Variants in BMPR1B observed in about 807,000 individuals in gnomAD.
BMPR1B encodes the protein bone morphogenetic protein receptor type-1B.
BMPR1B carries 12 observed loss-of-function variants against 59.1 expected under a neutral mutation model. The ratio of observed to expected loss-of-function variants is 0.20; its 90% CI spans 0.13 to 0.33. The LOEUF (loss-of-function observed/expected upper bound fraction) is 0.33. BMPR1B is among the 10% of genes least tolerant of loss of function. The probability of loss-of-function intolerance (pLI) is 1.00; values close to 1 mark genes in which losing one functional copy is unlikely to be tolerated. For missense variants in BMPR1B, 550 were observed against 610.9 expected (o/e 0.90, Z 1.05); for synonymous variants, 237 against 207.3 (o/e 1.14, Z -1.23).
chr4:94,964,218 G>GT (rs1258704679), intron 2 of BMPR1B, among the ~76,000 whole-genome samples: 4 of 152,012 alleles, frequency 2.6e-5, no homozygotes, highest in Non-Finnish European at 5.9e-5. Context: ...AGTTCTAATA[G>GT]TTTTTTGGTA....
At chr4:94,865,762 G>C (rs1457855072) in intron 1 of BMPR1B, among the ~76,000 whole-genome samples, 1 of 152,056 alleles carries the variant, frequency 6.6e-6, no homozygotes, top group African/African-American at 2.4e-5. Context: ...TTCTAGCAAC[G>C]AATCCTCATT....
intron 2 of BMPR1B, among the ~76,000 whole-genome samples, chr4:94,894,689 C>T (rs1220703099): frequency 6.6e-6 from 1 of 151,370 alleles, no homozygotes; most frequent in Non-Finnish European, 1.5e-5. Flanking sequence ...ATCTTTTGAT[C>T]ATTTTTCTAA....
Position 95,081,124 on chromosome 4 carries a change from T to C in BMPR1B, c.-17-23284T>C, listed in dbSNP as rs147227902. ...TATAAGGGGCTTTTCTGTCTTTTGC[T>C]TGGCACTTCTCCTTGCTGCCACCAT... On this transcript the variant is annotated intron_variant, in intron 3 of 12. Transcript: ENST00000515059. Among the ~76,000 whole-genome samples the C allele has an allele frequency of 2.4e-3, 362 of 152,282 alleles. 1 individual carries two copies. The highest frequency in any genetic ancestry group is 3.7e-3 in the Non-Finnish European group (252 of 68,024).
At chr4:95,047,715 G>T (rs1461053128) in intron 3 of BMPR1B, among the ~76,000 whole-genome samples, 1 of 152,064 alleles carries the variant, frequency 6.6e-6, no homozygotes, top group Non-Finnish European at 1.5e-5. Flanking sequence ...TAAATTTTTT[G>T]AATTCTTCTG....
At chr4:95,154,399 A>G (rs1735264131) in intron 12 of BMPR1B, 149 bp from the exon 13 acceptor site, 4 of 1,114,428 alleles carry the variant, frequency 3.6e-6, no homozygotes, top group East Asian at 5.2e-5. Context: ...TTTTGCATGA[A>G]AAAAGCTTAC....
At chr4:95,085,242 C>T (rs1011090325) in intron 3 of BMPR1B, among the ~76,000 whole-genome samples, 3 of 152,094 alleles carry the variant, frequency 2.0e-5, no homozygotes, top group Non-Finnish European at 4.4e-5. Flanking sequence ...CATGGCTGTA[C>T]ATCTGGGTGT....
chr4:95,157,951 G>A lies in BMPR1B; in HGVS notation c.*3278G>A, dbSNP rs1211117116. On this transcript the variant is annotated 3_prime_UTR_variant, in exon 13 of 13. Transcript: ENST00000515059. The stretch of plus-strand genomic sequence containing the variant: ...CACATTTCAATTGGTGTGTAGTCAA[G>A]TATAGCAAGTACTTAATAATGACTG... 1 of 152,184 alleles carries A rather than the reference G, an allele frequency of 6.6e-6. No individual in the cohort carries two copies. The highest frequency in any genetic ancestry group is 2.4e-5 in the African/African-American group (1 of 41,458). 9.4% of individuals were successfully genotyped at this position (152,184 alleles called of 1,614,324 possible).
chr4:95,006,893 A>G (rs188208816), intron 3 of BMPR1B, among the ~76,000 whole-genome samples: 8 of 152,240 alleles, frequency 5.3e-5, no homozygotes, highest in Admixed American at 5.2e-4. Flanking sequence ...CTTTTAAAAT[A>G]AGTAATTTTA....
chr4:94,951,548 T>C (rs1729937078), intron 2 of BMPR1B, among the ~76,000 whole-genome samples: 1 of 152,288 alleles, frequency 6.6e-6, no homozygotes, highest in Middle Eastern at 3.4e-3. Flanking sequence ...TTTTTGTCAT[T>C]GGTTCTGTTT....
chr4:94,954,627 A>G (rs544599820), intron 2 of BMPR1B, among the ~76,000 whole-genome samples: 1 of 152,306 alleles, frequency 6.6e-6, no homozygotes, highest in South Asian at 2.1e-4. Context: ...CTGGTTTTAT[A>G]ACTCAGTCTT....
chr4:94,799,622 A>T (rs1578657810), intron 1 of BMPR1B, among the ~76,000 whole-genome samples: 1 of 150,318 alleles, frequency 6.7e-6, no homozygotes, highest in Admixed American at 6.6e-5. Flanking sequence ...TTAATTCATG[A>T]TTTTTTTTCC....
intron 3 of BMPR1B, among the ~76,000 whole-genome samples, chr4:95,079,976 A>G (rs17412559): frequency 0.33 from 50,377 of 151,960 alleles, 8,379 homozygotes; most frequent in Middle Eastern, 0.45. Flanking sequence ...ATATTTGCCA[A>G]TACTTCATAA....
intron 2 of BMPR1B, among the ~76,000 whole-genome samples, chr4:94,904,724 T>G (rs1056777451): frequency 2.6e-5 from 4 of 152,176 alleles, no homozygotes; most frequent in African/African-American, 9.6e-5. Context: ...ATATATTACA[T>G]TGTAAAAAAC....
Position 95,154,824 on chromosome 4 carries a change from G to A in BMPR1B, c.*151G>A, listed in dbSNP as rs890799553. ...GTTCAGACCTCACCTCTCAGGGAGC[G>A]ACCTGGGCAAAGACAGAGAAGCTCC... On this transcript the variant is annotated 3_prime_UTR_variant, in exon 13 of 13. Coordinates refer to ENST00000515059, the MANE Select transcript of BMPR1B (RefSeq NM_001203.3). 20 of 1,080,050 alleles carry A rather than the reference G, an allele frequency of 1.9e-5. No individual in the cohort carries two copies. Among genetic ancestry groups the A allele is most frequent in the Non-Finnish European group, 2.5e-5 (18 of 734,452 alleles). 66.9% of individuals were successfully genotyped at this position (1,080,050 alleles called of 1,614,324 possible).
chr4:95,157,695 G>A lies in BMPR1B; in HGVS notation c.*3022G>A, dbSNP rs185008757. 1.7e-4 allele frequency: 26 copies of A among 151,862 alleles called. 1 individual carries two copies. The highest frequency in any genetic ancestry group is 5.8e-4 in the African/African-American group (24 of 41,464). The allele number at this position is 151,862 out of a possible 1,614,324, so 9.4% of individuals were successfully genotyped here. ...GCACAACTCCATTATGTGGATTAGA[G>A]AGTAAGATATTATGGATGATAAAGT... On this transcript the variant is annotated 3_prime_UTR_variant, in exon 13 of 13. Transcript: ENST00000515059.
At chr4:94,946,378 G>C (rs1160295012) in intron 2 of BMPR1B, among the ~76,000 whole-genome samples, 1 of 152,142 alleles carries the variant, frequency 6.6e-6, no homozygotes, top group Non-Finnish European at 1.5e-5. Context: ...AGGAATAGTG[G>C]CTCTAAGCTT....
At chr4:95,059,151 G>C (rs1482481832) in intron 3 of BMPR1B, among the ~76,000 whole-genome samples, 12 of 152,148 alleles carry the variant, frequency 7.9e-5, no homozygotes, top group Non-Finnish European at 8.8e-5. Context: ...TTCAGCTGAA[G>C]TTATTGAGAA....
intron 1 of BMPR1B, among the ~76,000 whole-genome samples, chr4:94,759,131 T>A (rs1315294189): frequency 6.6e-6 from 1 of 152,188 alleles, no homozygotes; most frequent in Non-Finnish European, 1.5e-5. Flanking sequence ...TCCAGCTGGG[T>A]CCTGCTGTTT....
intron 2 of BMPR1B, among the ~76,000 whole-genome samples, chr4:94,902,249 CAGAGAGAGAGAGAGAGAGAGAG>C (rs142124519): frequency 0.024 from 1,629 of 68,970 alleles, 74 homozygotes; most frequent in African/African-American, 0.083. Context: ...CACACACACA[CAGAGAGAGAGAGAGAGAGAGAG>C]AGAGAGAGAG....
Sources: gnomAD v4.1 joint callset for allele counts (sites outside exome capture counted in the v4.1 genomes callset) on GRCh38, gnomAD v4.1.1 for gene constraint, MANE v1.5 for transcripts, NCBI Gene and HGNC (gene_info 2026-07-23, HGNC 2026-07-21) for gene names.